TEAD1: variants seen among roughly 807,000 people sequenced by gnomAD.
The protein encoded by TEAD1 is TEA domain transcription factor 1.
In TEAD1, 9 loss-of-function variants were observed where a neutral mutation model predicts 54.9. The observed-to-expected ratio is 0.16, with a 90% confidence interval of 0.10 to 0.29. TEAD1 has a LOEUF of 0.29. Among genes scored for constraint, TEAD1 ranks in the 10% least tolerant of loss-of-function variants. The pLI is 1.00. For synonymous variants in TEAD1, 200 were observed against 187.8 expected (o/e 1.07, Z -0.53); for missense variants, 387 against 535.9 (o/e 0.72, Z 2.74).
chr11:12,684,681 T>G (rs532983748), intron 2 of TEAD1, among the ~76,000 whole-genome samples: 3 of 152,164 alleles, frequency 2.0e-5, no homozygotes, highest in African/African-American at 7.2e-5. Flanking sequence ...AAGTTTAGAT[T>G]AGGTAAGTGC....
At chr11:12,682,373 A>G (rs1943241083) in intron 2 of TEAD1, among the ~76,000 whole-genome samples, 1 of 152,172 alleles carries the variant, frequency 6.6e-6, no homozygotes, top group Non-Finnish European at 1.5e-5. Flanking sequence ...GGAGTGTAGC[A>G]GTTGTTTCCA....
rs536338242 is a variant in TEAD1 at position 12,682,312 on chromosome 11, A to G, written c.-55+6751A>G. The stretch of plus-strand genomic sequence containing the variant: ...TCTCACCTTTCGATCCAGGGGAAGC[A>G]ATAAAATGAACCAGAACCACCTTCT... On this transcript the variant is annotated intron_variant, in intron 2 of 12. Coordinates refer to ENST00000527636, the MANE Select transcript of TEAD1 (RefSeq NM_021961.6). Among the ~76,000 whole-genome samples, 4 of 152,352 alleles carry G rather than the reference A, an allele frequency of 2.6e-5. No individual in the cohort carries two copies. In the East Asian group the frequency reaches 7.7e-4, roughly 29 times the overall value.
intron 3 of TEAD1, among the ~76,000 whole-genome samples, chr11:12,855,489 C>T (rs1947358869): frequency 6.6e-6 from 1 of 151,920 alleles, no homozygotes; most frequent in Non-Finnish European, 1.5e-5. Context: ...GGGGTTTCAC[C>T]ATATTGGCCA....
In TEAD1 at chr11:12,813,692, T is replaced by C. The variant is rs867174949; in HGVS notation, c.203-48558T>C. On this transcript the variant is annotated intron_variant, in intron 3 of 12. Coordinates refer to ENST00000527636, the MANE Select transcript of TEAD1 (RefSeq NM_021961.6). ...CTTTGCAGGGCTGTATAAGGATTCA[T>C]TGAGATGCTAACCATGACACACTTG... Among the ~76,000 whole-genome samples the C allele has an allele frequency of 9.2e-5, 14 of 152,334 alleles. 1 individual carries two copies. The South Asian group carries it at 1.0e-3, about 11-fold the overall frequency.
At position 12,938,015 on chromosome 11, in the gene TEAD1, TGATGATG is replaced by T. The variant is rs1225127385; in HGVS notation, c.*797_*803del. The T allele has an allele frequency of 6.6e-6, 1 of 152,536 alleles. No homozygotes were observed. The highest frequency in any genetic ancestry group is 1.5e-5 in the Non-Finnish European group (1 of 68,008). The allele number at this position is 152,536 out of a possible 1,614,324, so 9.4% of individuals were successfully genotyped here. A position where few individuals can be genotyped will look rare whatever the true frequency, so the allele number is the denominator to read the frequency against. Reference sequence around the variant, plus strand: ...AATATAAAATTGTATTGTACTAATGTGATGATGGATTATTTAATGAAAAAGAAAAAAT... The same window carrying T: ...AATATAAAATTGTATTGTACTAATGTGATTATTTAATGAAAAAGAAAAAAT... On this transcript the variant is annotated 3_prime_UTR_variant, in exon 13 of 13. Coordinates refer to ENST00000527636, the MANE Select transcript of TEAD1 (RefSeq NM_021961.6).
intron 3 of TEAD1, among the ~76,000 whole-genome samples, chr11:12,790,966 T>A (rs1945789212): frequency 6.6e-6 from 1 of 152,208 alleles, no homozygotes; most frequent in South Asian, 2.1e-4. Flanking sequence ...CTCAAAATGT[T>A]AAACGTAGAG....
chr11:12,853,478 G>A (rs1947314002), intron 3 of TEAD1, among the ~76,000 whole-genome samples: 1 of 152,072 alleles, frequency 6.6e-6, no homozygotes, highest in Non-Finnish European at 1.5e-5. Flanking sequence ...ATGATCAGAG[G>A]CATAGTTACA....
Position 12,870,895 on chromosome 11 carries a change from G to A in TEAD1, c.330+5995G>A, listed in dbSNP as rs553026419. On this transcript the variant is annotated intron_variant, in intron 5 of 12. Coordinates refer to ENST00000527636, the MANE Select transcript of TEAD1 (RefSeq NM_021961.6). ...AGCGAGACTCTGTCTCCAAAAAAAA[G>A]AAAAAGAAAAAATGTCTAGGACAGA... 2.8e-4 allele frequency among the ~76,000 whole-genome samples: 43 copies of A among 152,128 alleles called. No individual in the cohort carries two copies. The East Asian group carries it at 8.3e-3, about 29-fold the overall frequency.
intron 2 of TEAD1, among the ~76,000 whole-genome samples, chr11:12,716,470 C>T (rs1361884775): frequency 6.6e-6 from 1 of 152,148 alleles, no homozygotes; most frequent in East Asian, 1.9e-4. Flanking sequence ...TTTTTATTTT[C>T]CCCCCAGACA....
At chr11:12,725,555 T>G (rs564512137) in intron 2 of TEAD1, among the ~76,000 whole-genome samples, 39 of 152,256 alleles carry the variant, frequency 2.6e-4, no homozygotes, top group African/African-American at 9.4e-4. Context: ...ACATATTCCA[T>G]GCATGTAACA....
At chr11:12,744,388 T>C (rs1403219838) in intron 2 of TEAD1, among the ~76,000 whole-genome samples, 1 of 152,164 alleles carries the variant, frequency 6.6e-6, no homozygotes, top group Non-Finnish European at 1.5e-5. Context: ...AGAAAAGAGC[T>C]AAATAATAGC....
chr11:12,688,523 C>G (rs949620672), intron 2 of TEAD1, among the ~76,000 whole-genome samples: 4 of 152,108 alleles, frequency 2.6e-5, no homozygotes, highest in African/African-American at 9.7e-5. Flanking sequence ...TCATGCATTT[C>G]TTAAATTCTT....
chr11:12,760,561 G>T (rs1301666136), intron 2 of TEAD1, among the ~76,000 whole-genome samples: 1 of 152,188 alleles, frequency 6.6e-6, no homozygotes, highest in Non-Finnish European at 1.5e-5. Context: ...GGATATATAT[G>T]TATGGGGAGG....
intron 3 of TEAD1, among the ~76,000 whole-genome samples, chr11:12,819,761 T>G (rs1222041599): frequency 6.6e-6 from 1 of 152,212 alleles, no homozygotes; most frequent in Non-Finnish European, 1.5e-5. Context: ...GGTAACAAAG[T>G]CTTAAAAGCG....
intron 9 of TEAD1, 62 bp downstream of exon 9, chr11:12,883,187 C>T (rs1169517601): frequency 1.2e-6 from 2 of 1,611,258 alleles, no homozygotes; most frequent in Non-Finnish European, 1.7e-6. Context: ...CTGTTTACCT[C>T]CTTGCTTCTC....
At chr11:12,893,931 C>T (rs1358651127) in intron 9 of TEAD1, among the ~76,000 whole-genome samples, 1 of 152,102 alleles carries the variant, frequency 6.6e-6, no homozygotes, top group African/African-American at 2.4e-5. Context: ...GCTGAATGTG[C>T]GGGAACCTGT....
At chr11:12,885,584 G>A (rs1463096949) in intron 9 of TEAD1, among the ~76,000 whole-genome samples, 1 of 152,098 alleles carries the variant, frequency 6.6e-6, no homozygotes, top group East Asian at 1.9e-4. Flanking sequence ...GCAAATTTCT[G>A]TTTGCATATG....
chr11:12,794,327 G>C (rs927573762), intron 3 of TEAD1, among the ~76,000 whole-genome samples: 1 of 152,200 alleles, frequency 6.6e-6, no homozygotes, highest in Non-Finnish European at 1.5e-5. Context: ...GTCTCTTTGA[G>C]ATTATTTGAT....
intron 3 of TEAD1, among the ~76,000 whole-genome samples, chr11:12,772,235 A>G (rs1289260904): frequency 6.6e-6 from 1 of 152,200 alleles, no homozygotes; most frequent in African/African-American, 2.4e-5. Flanking sequence ...AGAGAGTTTG[A>G]CCATGCATGG....
Sources: allele counts gnomAD v4.1 joint callset (sites outside exome capture counted in the v4.1 genomes callset), GRCh38; gene constraint gnomAD v4.1.1; transcripts MANE v1.5; gene names NCBI Gene and HGNC (gene_info 2026-07-23, HGNC 2026-07-21).